The following ADAMTS12 variants were observed in gnomAD, a reference collection of about 807,000 sequenced individuals.
ADAMTS12 encodes the protein A disintegrin and metalloproteinase with thrombospondin motifs 12.
A neutral mutation model predicts 167.8 loss-of-function variants in ADAMTS12; 118 were observed. The observed-to-expected ratio is 0.70, with a 90% CI of 0.61 to 0.82. The LOEUF is 0.82. ADAMTS12 is among the 40% of genes least tolerant of loss of function. The pLI, the probability that ADAMTS12 is intolerant of heterozygous loss-of-function variation, is 0.00. For missense variants in ADAMTS12, 1,916 were observed against 1,998.8 expected (o/e 0.96, Z 0.79); for synonymous variants, 704 against 716.9 (o/e 0.98, Z 0.29).
intron 2 of ADAMTS12, among the ~76,000 whole-genome samples, chr5:33,829,365 C>T (rs183310054): frequency 7.9e-5 from 12 of 152,258 alleles, no homozygotes; most frequent in East Asian, 3.9e-4. Flanking sequence ...TCCCTGTGTG[C>T]TTGGATTTAA....
intron 7 of ADAMTS12, among the ~76,000 whole-genome samples, chr5:33,655,628 T>TTTA (rs1741028485): frequency 6.9e-6 from 1 of 145,700 alleles, no homozygotes; most frequent in South Asian, 2.2e-4. Flanking sequence ...TAGTTTTATT[T>TTTA]ATTTAATTTA....
intron 2 of ADAMTS12, among the ~76,000 whole-genome samples, chr5:33,803,761 G>A: frequency 6.6e-6 from 1 of 152,212 alleles, no homozygotes; most frequent in East Asian, 1.9e-4. Flanking sequence ...AGGCAAGAGG[G>A]TGTGTGCAGG....
At chr5:33,871,059 C>A (rs1455291186) in intron 2 of ADAMTS12, among the ~76,000 whole-genome samples, 1 of 151,992 alleles carries the variant, frequency 6.6e-6, no homozygotes, top group African/African-American at 2.4e-5. Flanking sequence ...GATATGAGAA[C>A]AATGAACAAA....
intron 23 of ADAMTS12, among the ~76,000 whole-genome samples, chr5:33,531,043 C>T (rs545937270): frequency 6.6e-6 from 1 of 152,272 alleles, no homozygotes; most frequent in African/African-American, 2.4e-5. Flanking sequence ...GGAGAAGAGA[C>T]ACAGAGAGAG....
intron 12 of ADAMTS12, among the ~76,000 whole-genome samples, chr5:33,632,064 A>G (rs1160638535): frequency 1.3e-5 from 2 of 151,066 alleles, no homozygotes; most frequent in African/African-American, 4.9e-5. Flanking sequence ...AAAAGCTCCA[A>G]ATGCTGAAAT....
intron 1 of ADAMTS12, among the ~76,000 whole-genome samples, chr5:33,890,714 C>G (rs1383680436): frequency 6.6e-6 from 1 of 151,982 alleles, no homozygotes. Flanking sequence ...GGTGCATATG[C>G]GTGTGTGTGT....
intron 9 of ADAMTS12, among the ~76,000 whole-genome samples, chr5:33,645,329 G>C (rs1740622653): frequency 6.6e-6 from 1 of 152,088 alleles, no homozygotes; most frequent in South Asian, 2.1e-4. Flanking sequence ...AAACTAGGCT[G>C]AGATAAAAGA....
At position 33,819,747 on chromosome 5, in the gene ADAMTS12, G is replaced by C. The variant is rs1747800318; in HGVS notation, c.489+61372C>G. On this transcript the variant is annotated intron_variant, in intron 2 of 23. Transcript: ENST00000504830. ...ATACCCAAACACTTCCTGTAGTAAG[G>C]ACTAAGGAGCCATCTCATCTGGGGG... Among the ~76,000 whole-genome samples, 6 of 152,022 alleles carry C rather than the reference G, an allele frequency of 3.9e-5. No individual in the cohort carries two copies. In the South Asian group the frequency reaches 1.2e-3, roughly 32 times the overall value.
At chr5:33,828,284 T>TATC (rs1748166940) in intron 2 of ADAMTS12, among the ~76,000 whole-genome samples, 1 of 152,192 alleles carries the variant, frequency 6.6e-6, no homozygotes, top group Admixed American at 6.5e-5. Context: ...TGAGTTCGAG[T>TATC]ATCACTTCAT....
chr5:33,648,213 G>T (rs889591201), intron 9 of ADAMTS12, among the ~76,000 whole-genome samples: 9 of 152,126 alleles, frequency 5.9e-5, no homozygotes, highest in Non-Finnish European at 1.0e-4. Flanking sequence ...AGTAGACCAC[G>T]GTTACATTGT....
intron 14 of ADAMTS12, among the ~76,000 whole-genome samples, chr5:33,620,990 T>C (rs1389663722): frequency 6.6e-6 from 1 of 152,166 alleles, no homozygotes; most frequent in East Asian, 1.9e-4. Flanking sequence ...AGTGGAAGCA[T>C]TAGCTGCTTG....
chr5:33,689,652 C>T (rs1742479970), intron 3 of ADAMTS12, among the ~76,000 whole-genome samples: 1 of 152,052 alleles, frequency 6.6e-6, no homozygotes, highest in Admixed American at 6.5e-5. Context: ...AGAGATGGTA[C>T]CAGGAAAAAA....
chr5:33,531,177 C>T (rs182852058), intron 23 of ADAMTS12, among the ~76,000 whole-genome samples: 34 of 152,260 alleles, frequency 2.2e-4, no homozygotes, highest in Admixed American at 3.3e-4. Flanking sequence ...CAGTGATGGC[C>T]GGCAACCGCC....
chr5:33,741,380 C>T (rs957648451), intron 3 of ADAMTS12, among the ~76,000 whole-genome samples: 5 of 152,158 alleles, frequency 3.3e-5, no homozygotes, highest in African/African-American at 1.2e-4. Flanking sequence ...GGACTTTCCT[C>T]TGGACATGCT....
At chr5:33,577,226 T>A (rs1022702885) in intron 18 of ADAMTS12, 66 bp from the exon 19 acceptor site, 1 of 1,607,170 alleles carries the variant, frequency 6.2e-7, no homozygotes, top group Non-Finnish European at 8.5e-7. Flanking sequence ...GTTAGGTCTA[T>A]AACAGATCAA....
intron 22 of ADAMTS12, among the ~76,000 whole-genome samples, chr5:33,544,317 C>G (rs1446968046): frequency 6.6e-6 from 1 of 152,090 alleles, no homozygotes; most frequent in African/African-American, 2.4e-5. Flanking sequence ...ATGTGATGGA[C>G]CTCTTCAAGG....
At chr5:33,594,944 C>G (rs1747839137) in intron 17 of ADAMTS12, among the ~76,000 whole-genome samples, 1 of 152,086 alleles carries the variant, frequency 6.6e-6, no homozygotes, top group African/African-American at 2.4e-5. Context: ...TTGAGTCTCC[C>G]CCTTGTTTAA....
At chr5:33,756,471 G>A (rs906655825) in intron 2 of ADAMTS12, among the ~76,000 whole-genome samples, 13 of 152,326 alleles carry the variant, frequency 8.5e-5, no homozygotes, top group African/African-American at 2.6e-4. Flanking sequence ...TTGCTGGTTT[G>A]CAAGAGACAG....
At chr5:33,743,213 G>A (rs1028681272) in intron 3 of ADAMTS12, among the ~76,000 whole-genome samples, 3 of 152,184 alleles carry the variant, frequency 2.0e-5, no homozygotes, top group African/African-American at 4.8e-5. Context: ...ATAACAAGGG[G>A]TCACATCAGA....
Sources: gnomAD v4.1 joint callset for allele counts (sites outside exome capture counted in the v4.1 genomes callset) on GRCh38, gnomAD v4.1.1 for gene constraint, MANE v1.5 for transcripts, NCBI Gene and HGNC (gene_info 2026-07-23, HGNC 2026-07-21) for gene names.